SOBP: variants seen among roughly 807,000 people sequenced by gnomAD.
SOBP encodes sine oculis-binding protein homolog.
In SOBP, 4 loss-of-function variants were observed where a neutral mutation model predicts 53.6. The observed-to-expected ratio is 0.07, with a 90% CI of 0.04 to 0.17. The LOEUF (loss-of-function observed/expected upper bound fraction) is 0.17, where lower values mean the gene tolerates loss of function less well. Ranked by LOEUF, SOBP falls within the 10% of genes least tolerant of loss-of-function variation. The pLI is 1.00. For missense variants in SOBP, 1,088 were observed against 1,204.7 expected (o/e 0.90, Z 1.43); for synonymous variants, 584 against 522.6 (o/e 1.12, Z -1.60).
intron 5 of SOBP, among the ~76,000 whole-genome samples, chr6:107,590,693 T>C (rs1351457142): frequency 6.6e-6 from 1 of 152,152 alleles, no homozygotes; most frequent in Non-Finnish European, 1.5e-5. Context: ...ACAATGCCTG[T>C]GTAGGGAGTA....
intron 3 of SOBP, among the ~76,000 whole-genome samples, chr6:107,527,173 C>G (rs1783687182): frequency 6.6e-6 from 1 of 152,194 alleles, no homozygotes; most frequent in Non-Finnish European, 1.5e-5. Context: ...TTCTCAGGCA[C>G]TTAGGAAGAT....
intron 1 of SOBP, among the ~76,000 whole-genome samples, chr6:107,494,697 G>A (rs1455279035): frequency 2.6e-5 from 4 of 152,244 alleles, no homozygotes; most frequent in African/African-American, 9.6e-5. Flanking sequence ...TTAAATGTCA[G>A]AGATGCTTCT....
At chr6:107,492,093 G>A (rs1782595068) in intron 1 of SOBP, among the ~76,000 whole-genome samples, 1 of 152,224 alleles carries the variant, frequency 6.6e-6, no homozygotes, top group African/African-American at 2.4e-5. Flanking sequence ...CCAACGGAGA[G>A]TTAAGGGAGA....
intron 3 of SOBP, among the ~76,000 whole-genome samples, chr6:107,521,961 A>ACACACACACACAC (rs1562587693): frequency 1.8e-5 from 2 of 114,014 alleles, no homozygotes; most frequent in African/African-American, 7.5e-5. Flanking sequence ...CACACACACA[A>ACACACACACACAC]ACTCAATCAA....
At chr6:107,598,443 A>G (rs904917813) in intron 5 of SOBP, among the ~76,000 whole-genome samples, 7 of 152,308 alleles carry the variant, frequency 4.6e-5, no homozygotes, top group Admixed American at 3.9e-4. Context: ...AAGATGTGGA[A>G]TGATGATGAG....
intron 5 of SOBP, among the ~76,000 whole-genome samples, chr6:107,608,791 T>C (rs1179171807): frequency 1.3e-5 from 2 of 152,226 alleles, no homozygotes; most frequent in Non-Finnish European, 1.5e-5. Context: ...ACAGAAATTA[T>C]AGTGACCTGT....
chr6:107,548,131 T>G lies in SOBP; in HGVS notation c.573+14521T>G, dbSNP rs186432335. Reference sequence around the variant, plus strand: ...ACCACTGCTGTAAATCTAATAGAACTTCAAATCTGACATCAAGTCAATACT... The same window carrying G: ...ACCACTGCTGTAAATCTAATAGAACGTCAAATCTGACATCAAGTCAATACT... On this transcript the variant is annotated intron_variant, in intron 4 of 6. Transcript: ENST00000317357. 6.1e-3 allele frequency among the ~76,000 whole-genome samples: 928 copies of G among 152,258 alleles called. 6 individuals carry two copies. Among genetic ancestry groups the G allele is most frequent in the Non-Finnish European group, 8.4e-3 (572 of 68,008 alleles).
In SOBP at chr6:107,533,623, G is replaced by A. The variant is rs199955689; in HGVS notation, c.573+13G>A. 9 of 1,613,864 alleles carry A rather than the reference G, an allele frequency of 5.6e-6. No homozygotes were observed. In the Admixed American group the frequency reaches 6.7e-5, roughly 12 times the overall value. On this transcript the variant is annotated intron_variant, in intron 4 of 6. Coordinates refer to ENST00000317357, the MANE Select transcript of SOBP (RefSeq NM_018013.4). ...CAAGAGAAATAAGGTAAGAGCACCG[G>A]AGAGAGAGGCGGCCCCCCACAGGCC...
At position 107,561,048 on chromosome 6, in the gene SOBP, T is replaced by A. The variant is rs1387440998; in HGVS notation, c.574-26032T>A. On this transcript the variant is annotated intron_variant, in intron 4 of 6. Transcript: ENST00000317357. Reference sequence around the variant, plus strand: ...TCTGTCTCTGGGGGTACCTGACCCATCAGGGAGAGATGCCAATTAAATCCA... The same window carrying A: ...TCTGTCTCTGGGGGTACCTGACCCAACAGGGAGAGATGCCAATTAAATCCA... 3.3e-5 allele frequency among the ~76,000 whole-genome samples: 5 copies of A among 152,194 alleles called. No homozygotes were observed. The East Asian group carries it at 9.6e-4, about 29-fold the overall frequency.
Position 107,635,548 on chromosome 6 carries a change from G to C in SOBP, c.*3+79G>C. ...TTCTGACAAGGCAGAGGGGAGAGTT[G>C]TAATTATAGTCATGATTTTACCGTG... On this transcript the variant is annotated intron_variant, in intron 6 of 6. Transcript: ENST00000317357. This position sits in a 1 kb window ranked among gnomAD's most constrained non-coding sequence, Gnocchi z 4.5. The C allele has an allele frequency of 6.4e-7, 1 of 1,569,292 alleles. No individual in the cohort carries two copies. The highest frequency in any genetic ancestry group is 1.7e-5 in the Admixed American group (1 of 59,796).
At chr6:107,567,406 A>G (rs576841705) in intron 4 of SOBP, among the ~76,000 whole-genome samples, 2 of 152,226 alleles carry the variant, frequency 1.3e-5, no homozygotes, top group African/African-American at 4.8e-5. Context: ...TGCCTTGGCT[A>G]GCAGGGCACA....
At chr6:107,636,930 A>C (rs1771070060) in intron 6 of SOBP, among the ~76,000 whole-genome samples, 1 of 152,202 alleles carries the variant, frequency 6.6e-6, no homozygotes, top group African/African-American at 2.4e-5. Context: ...AGATTTTACC[A>C]AATTAGCAGA....
intron 3 of SOBP, among the ~76,000 whole-genome samples, chr6:107,524,947 ATTC>A (rs1562589651): frequency 6.6e-6 from 1 of 152,218 alleles, no homozygotes; most frequent in African/African-American, 2.4e-5. Flanking sequence ...CTTTTCAAAG[ATTC>A]TTAATTGTAC....
chr6:107,628,149 T>G (rs1166591479), intron 5 of SOBP, among the ~76,000 whole-genome samples: 2 of 152,264 alleles, frequency 1.3e-5, no homozygotes, highest in Admixed American at 1.3e-4. Context: ...GAGGAATGAT[T>G]CATTTTAATG....
chr6:107,626,605 G>A (rs955217734), intron 5 of SOBP, among the ~76,000 whole-genome samples: 3 of 152,126 alleles, frequency 2.0e-5, no homozygotes, highest in Admixed American at 2.0e-4. Flanking sequence ...CCCATGATGG[G>A]CCCTGAATAA....
At chr6:107,548,367 C>T (rs1389492120) in intron 4 of SOBP, among the ~76,000 whole-genome samples, 6 of 151,726 alleles carry the variant, frequency 4.0e-5, no homozygotes, top group South Asian at 4.2e-4. Flanking sequence ...CTCAGCCTCC[C>T]GAGCAGCTGG....
Position 107,635,383 on chromosome 6 carries a change from T to G in SOBP, c.2539T>G (p.Ser847Ala). The change falls in exon 6 of 7, where the codon TCG becomes GCG. Residue 847 changes from serine to alanine, a missense_variant. Physicochemically the swap from Ser to Ala is moderately conservative, Grantham distance 99. Around this residue, in one of 6 missense-constraint regions of SOBP, gnomAD observed 665 missense variants for 629.7 expected, o/e 1.06. Coordinates refer to ENST00000317357, the MANE Select transcript of SOBP (RefSeq NM_018013.4). The surrounding 1 kb of genome is among the most constrained non-coding windows in gnomAD (Gnocchi z 4.5). ...TGCCATGGCACCGTGCATCATCTCC[T>G]CGCCCATGCTCAGCGCCGGGCCTGA... ...KAAMAPCIIS[S>A]PMLSAGPEDL... 6.2e-7 allele frequency: 1 copy of G among 1,613,434 alleles called. No individual in the cohort carries two copies. Among genetic ancestry groups the G allele is most frequent in the Non-Finnish European group, 8.5e-7 (1 of 1,180,008 alleles).
chr6:107,635,439 C>G lies in SOBP; in HGVS notation c.2595C>G (p.Cys865Trp), dbSNP rs2115150913. The change falls in exon 6 of 7, where the codon TGC (cysteine) becomes TGG (tryptophan). Residue 865 changes from cysteine to tryptophan, a missense_variant. Physicochemically the swap from Cys to Trp is radical, Grantham distance 215 (BLOSUM62 -2). Transcript: ENST00000317357. This position sits in a 1 kb window ranked among gnomAD's most constrained non-coding sequence, Gnocchi z 4.5. ...TGGAGCCGCCGCTCAAAAGGAGGTG[C>G]CTCCGAATTAGAAATCAGAATAAGT... The part of the protein sequence containing the change: ...EDLEPPLKRR[C>W]LRIRNQNK 6.2e-7 allele frequency: 1 copy of G among 1,613,490 alleles called. No individual in the cohort carries two copies. Among genetic ancestry groups the G allele is most frequent in the Non-Finnish European group, 8.5e-7 (1 of 1,180,024 alleles).
At chr6:107,563,923 G>T (rs771404630) in intron 4 of SOBP, among the ~76,000 whole-genome samples, 7 of 152,344 alleles carry the variant, frequency 4.6e-5, no homozygotes, top group Non-Finnish European at 8.8e-5. Context: ...ATAGCATCCG[G>T]TAGGGTTGCG....
Sources: gnomAD v4.1 joint callset for allele counts (sites outside exome capture counted in the v4.1 genomes callset) on GRCh38, gnomAD v4.1.1 for gene constraint, gnomAD v4.1.1 regional missense constraint, Gnocchi (gnomAD v3.1) non-coding constraint, MANE v1.5 for transcripts, NCBI Gene and HGNC (gene_info 2026-07-23, HGNC 2026-07-21) for gene names.